LGI1: variants seen among roughly 807,000 people sequenced by gnomAD.
LGI1 encodes leucine-rich glioma-inactivated protein 1.
Under a neutral mutation model 57.7 loss-of-function variants are expected in LGI1, and 11 were observed. The ratio of observed to expected loss-of-function variants is 0.19; its 90% CI spans 0.12 to 0.32. The LOEUF (loss-of-function observed/expected upper bound fraction) is 0.32. LGI1 is among the 10% of genes least tolerant of loss of function. The probability of loss-of-function intolerance (pLI) is 1.00; values close to 1 mark genes in which losing one functional copy is unlikely to be tolerated. For synonymous variants in LGI1, 222 were observed against 241.9 expected (o/e 0.92, Z 0.76); for missense variants, 422 against 661.9 (o/e 0.64, Z 3.98).
At chr10:93,774,066 G>A (rs1007599671) in intron 2 of LGI1, among the ~76,000 whole-genome samples, 2 of 152,106 alleles carry the variant, frequency 1.3e-5, no homozygotes, top group Admixed American at 6.6e-5. Context: ...CGTAGTTATA[G>A]GGACAAGAAA....
chr10:93,787,100 C>G (rs1193581665), intron 4 of LGI1, among the ~76,000 whole-genome samples: 1 of 152,204 alleles, frequency 6.6e-6, no homozygotes, highest in Non-Finnish European at 1.5e-5. Flanking sequence ...CTGAATCTTG[C>G]TTCCTCTTGA....
intron 4 of LGI1, among the ~76,000 whole-genome samples, chr10:93,784,611 G>T (rs1461230722): frequency 7.9e-5 from 12 of 152,086 alleles, no homozygotes; most frequent in Non-Finnish European, 2.9e-5. Flanking sequence ...AAAACATGTA[G>T]AAAGTCTTTT....
Position 93,786,356 on chromosome 10 carries a change from T to C in LGI1, c.432-3743T>C, listed in dbSNP as rs1415604820. 1.3e-4 allele frequency among the ~76,000 whole-genome samples: 6 copies of C among 46,912 alleles called. 1 individual carries two copies. Among genetic ancestry groups the C allele is most frequent in the African/African-American group, 1.8e-4 (6 of 33,632 alleles). The allele number at this position is 46,912 out of a possible 152,430, so 30.8% of individuals were successfully genotyped here. A position where few individuals can be genotyped will look rare whatever the true frequency, so the allele number is the denominator to read the frequency against. ...CTCATTGGACAGAACCATAGATATA[T>C]ACAAATACTAAGCAACAGGATCCTT... On this transcript the variant is annotated intron_variant, in intron 4 of 7. Coordinates refer to ENST00000371418, the MANE Select transcript of LGI1 (RefSeq NM_005097.4).
intron 4 of LGI1, among the ~76,000 whole-genome samples, chr10:93,783,888 C>T (rs988051137): frequency 3.9e-5 from 6 of 151,922 alleles, no homozygotes; most frequent in Admixed American, 3.9e-4. Flanking sequence ...GGCGTATGCC[C>T]GTAATCCCAG....
chr10:93,795,292 A>G (rs912322628), intron 7 of LGI1, among the ~76,000 whole-genome samples: 2 of 152,202 alleles, frequency 1.3e-5, no homozygotes, highest in Non-Finnish European at 2.9e-5. Flanking sequence ...TTTATTTCTC[A>G]TAGTTCTGGA....
At chr10:93,788,919 G>A (rs2059911866) in intron 4 of LGI1, 1 of 150,412 alleles carries the variant, frequency 6.6e-6, no homozygotes. Context: ...TTTTATTGTG[G>A]AAAAAAAAAA....
rs1378242805 is a variant in LGI1, at chr10:93,758,187, C to T, written c.43C>T (p.Pro15Ser). ...CAAAAGGATGGGAAATGCCTGCATTCCCCTGAAAAGAATTGCTTATTTCCT... is the reference window on the plus strand; with the variant it reads ...CAAAAGGATGGGAAATGCCTGCATTTCCCTGAAAAGAATTGCTTATTTCCT... ...RSKRMGNACI[P>S]LKRIAYFLCL... Residue 15 changes from proline (P) to serine (S), a missense_variant, in exon 1 of 8, where the codon CCC (proline) becomes TCC (serine). Physicochemically the swap from Pro to Ser is moderately conservative, Grantham distance 74 (BLOSUM62 -1). Transcript: ENST00000371418. This position sits in a 1 kb window ranked among gnomAD's most constrained non-coding sequence, Gnocchi z 4.7. The T allele has an allele frequency of 6.2e-7, 1 of 1,614,152 alleles. No homozygotes were observed. Among genetic ancestry groups the T allele is most frequent in the East Asian group, 2.2e-5 (1 of 44,890 alleles).
chr10:93,777,246 C>T (rs2059803170), intron 2 of LGI1, 133 bp from the exon 3 acceptor site: 1 of 781,918 alleles, frequency 1.3e-6, no homozygotes, highest in South Asian at 1.5e-5. Context: ...ATCTGCATAA[C>T]TAACACTGTA....
intron 4 of LGI1, among the ~76,000 whole-genome samples, chr10:93,782,152 T>G (rs1208885475): frequency 1.3e-5 from 2 of 152,236 alleles, no homozygotes; most frequent in African/African-American, 4.8e-5. Flanking sequence ...TATTTACTAC[T>G]TATTAATAAA....
At chr10:93,781,433 T>C (rs2059847272) in intron 4 of LGI1, among the ~76,000 whole-genome samples, 2 of 152,076 alleles carry the variant, frequency 1.3e-5, no homozygotes, top group African/African-American at 4.8e-5. Flanking sequence ...GGCGAGATCC[T>C]CCCCTCCCCT....
rs2059881810 is a variant in LGI1, at chr10:93,784,781, T to C, written c.432-5318T>C. ...ACAGATCTTTGCAGAGGAAGGAGGGTCCCCTACTGCAATTCAGGGTGACAC... is the reference window on the plus strand; with the variant it reads ...ACAGATCTTTGCAGAGGAAGGAGGGCCCCCTACTGCAATTCAGGGTGACAC... On this transcript the variant is annotated intron_variant, in intron 4 of 7. Coordinates refer to ENST00000371418, the MANE Select transcript of LGI1 (RefSeq NM_005097.4). 2.0e-5 allele frequency among the ~76,000 whole-genome samples: 3 copies of C among 151,854 alleles called. No individual in the cohort carries two copies. In the South Asian group the frequency reaches 6.3e-4, roughly 32 times the overall value.
chr10:93,785,360 T>C (rs1317373211), intron 4 of LGI1, among the ~76,000 whole-genome samples: 1 of 152,252 alleles, frequency 6.6e-6, no homozygotes, highest in Non-Finnish European at 1.5e-5. Context: ...AAGATATGTA[T>C]ATAAAAATAT....
chr10:93,766,380 A>G (rs2059678314), intron 2 of LGI1, among the ~76,000 whole-genome samples: 1 of 152,202 alleles, frequency 6.6e-6, no homozygotes, highest in Admixed American at 6.5e-5. Context: ...TTCCATGGCT[A>G]AAGATTTCTG....
chr10:93,795,662 A>C (rs891280981), intron 7 of LGI1, among the ~76,000 whole-genome samples: 2 of 152,208 alleles, frequency 1.3e-5, no homozygotes, highest in Non-Finnish European at 1.5e-5. Flanking sequence ...CTATCATGGG[A>C]ATCTTTCATG....
In LGI1 at chr10:93,795,075, G is replaced by A. The variant is rs774545741; in HGVS notation, c.838+1725G>A. On this transcript the variant is annotated intron_variant, in intron 7 of 7. Coordinates refer to ENST00000371418, the MANE Select transcript of LGI1 (RefSeq NM_005097.4). ...AGTGGACTATAGCAGGGTTTTGTGC[G>A]GTCGAAACCAGGCTTTTCTTACTTG... Among the ~76,000 whole-genome samples the A allele has an allele frequency of 3.9e-5, 6 of 152,190 alleles. No homozygotes were observed. In the East Asian group the frequency reaches 5.8e-4, roughly 15 times the overall value.
Position 93,797,931 on chromosome 10 carries a change from C to A in LGI1, c.*128C>A. ...TTTCAAACATTGAGACTGCTAGAAC[C>A]AAGCACTACCAGTATCTCCATCCTT... On this transcript the variant is annotated 3_prime_UTR_variant, in exon 8 of 8. Transcript: ENST00000371418. The surrounding 1 kb of genome is among the most constrained non-coding windows in gnomAD (Gnocchi z 6.5). 1 of 734,650 alleles carries A rather than the reference C, an allele frequency of 1.4e-6. No homozygotes were observed. The highest frequency in any genetic ancestry group is 2.4e-6 in the Non-Finnish European group (1 of 410,708). The allele number at this position is 734,650 out of a possible 1,614,324, so 45.5% of individuals were successfully genotyped here. A position where few individuals can be genotyped will look rare whatever the true frequency, so the allele number is the denominator to read the frequency against.
intron 2 of LGI1, chr10:93,777,114 G>A: frequency 1.7e-6 from 1 of 574,908 alleles, no homozygotes. Context: ...TAGCTGCTCT[G>A]ATTGTATCTC....
At position 93,778,606 on chromosome 10, in the gene LGI1, G is replaced by A. The variant is rs1482243867; in HGVS notation, c.431+989G>A. 2.6e-5 allele frequency among the ~76,000 whole-genome samples: 4 copies of A among 152,096 alleles called. No individual in the cohort carries two copies. In the South Asian group the frequency reaches 6.2e-4, roughly 24 times the overall value. On this transcript the variant is annotated intron_variant, in intron 4 of 7. Coordinates refer to ENST00000371418, the MANE Select transcript of LGI1 (RefSeq NM_005097.4). ...TATGCCTCGTGAGCTGATTAGTTAC[G>A]GAATTATGAGAACATCTACTTAATT...
Position 93,758,026 on chromosome 10 carries a change from G to T in LGI1, c.-119G>T. On this transcript the variant is annotated 5_prime_UTR_variant, in exon 1 of 8. Coordinates refer to ENST00000371418, the MANE Select transcript of LGI1 (RefSeq NM_005097.4). This position sits in a 1 kb window ranked among gnomAD's most constrained non-coding sequence, Gnocchi z 4.7. ...AGCTGCAGGTCTCTGTTTTGAAAAA[G>T]CAGAGATACAGAGGCAGAGGAAAAG... 1.2e-6 allele frequency: 1 copy of T among 869,136 alleles called. No homozygotes were observed. The allele number at this position is 869,136 out of a possible 1,614,324, so 53.8% of individuals were successfully genotyped here.
Sources: allele counts gnomAD v4.1 joint callset (sites outside exome capture counted in the v4.1 genomes callset), GRCh38; gene constraint gnomAD v4.1.1; non-coding constraint Gnocchi (gnomAD v3.1); transcripts MANE v1.5; gene names NCBI Gene and HGNC (gene_info 2026-07-23, HGNC 2026-07-21).